The following AUTS2 variants were observed in gnomAD, a reference collection of about 807,000 sequenced individuals.
AUTS2 encodes autism susceptibility gene 2 protein.
AUTS2 carries 17 observed loss-of-function variants against 112.4 expected under a neutral mutation model. The observed-to-expected ratio is 0.15, with a 90% CI of 0.10 to 0.23. AUTS2 has a LOEUF of 0.23. AUTS2 is among the 10% of genes least tolerant of loss of function. The probability of loss-of-function intolerance (pLI) is 1.00; values close to 1 mark genes in which losing one functional copy is unlikely to be tolerated. For synonymous variants in AUTS2, 751 were observed against 702.7 expected (o/e 1.07, Z -1.09); for missense variants, 1,510 against 1,701.6 (o/e 0.89, Z 1.98).
intron 4 of AUTS2, among the ~76,000 whole-genome samples, chr7:70,355,118 G>C (rs781674395): frequency 2.0e-5 from 3 of 151,754 alleles, no homozygotes; most frequent in Non-Finnish European, 4.4e-5. Flanking sequence ...GTGTGTGTGT[G>C]TGTGTGTATA....
At chr7:70,034,918 A>G (rs577042457) in intron 2 of AUTS2, among the ~76,000 whole-genome samples, 1 of 152,202 alleles carries the variant, frequency 6.6e-6, no homozygotes, top group Admixed American at 6.5e-5. Flanking sequence ...TACAGCCTGG[A>G]ATTTTTGGGC....
intron 5 of AUTS2, among the ~76,000 whole-genome samples, chr7:70,617,378 T>A (rs1804427559): frequency 6.6e-6 from 1 of 152,150 alleles, no homozygotes; most frequent in Admixed American, 6.5e-5. Context: ...ATAAGAAGTT[T>A]GTGGCCGGGC....
At chr7:70,771,682 C>A in intron 11 of AUTS2, 38 bp downstream of exon 11, 1 of 1,574,530 alleles carries the variant, frequency 6.4e-7, no homozygotes, top group Non-Finnish European at 8.7e-7. Flanking sequence ...AGGCATGTGT[C>A]TAAGTGGCGT....
intron 6 of AUTS2, among the ~76,000 whole-genome samples, chr7:70,737,465 G>T (rs1309086496): frequency 5.3e-5 from 8 of 152,228 alleles, no homozygotes; most frequent in Non-Finnish European, 1.5e-5. Flanking sequence ...TCTGTTATTT[G>T]TAGTGCAAGA....
At chr7:70,654,976 A>C (rs1047208102) in intron 5 of AUTS2, among the ~76,000 whole-genome samples, 3 of 152,238 alleles carry the variant, frequency 2.0e-5, no homozygotes, top group Non-Finnish European at 4.4e-5. Context: ...CTTTTAAAAC[A>C]AGGCCCCAAG....
chr7:69,793,623 C>T (rs1045859638), intron 1 of AUTS2, among the ~76,000 whole-genome samples: 2 of 152,174 alleles, frequency 1.3e-5, no homozygotes, highest in African/African-American at 4.8e-5. Flanking sequence ...CAGAGGCTCT[C>T]ACCTTGGCTG....
chr7:70,573,301 C>A (rs1031751361), intron 5 of AUTS2, among the ~76,000 whole-genome samples: 1 of 152,212 alleles, frequency 6.6e-6, no homozygotes, highest in East Asian at 1.9e-4. Context: ...CTGGGAACGT[C>A]AATGCTGCCA....
chr7:70,506,446 A>G lies in AUTS2; in HGVS notation c.690+70665A>G, dbSNP rs1280608389. Among the ~76,000 whole-genome samples the G allele has an allele frequency of 3.3e-5, 5 of 152,246 alleles. 1 individual carries two copies. Among genetic ancestry groups the G allele is most frequent in the South Asian group, 4.1e-4 (2 of 4,834 alleles). On this transcript the variant is annotated intron_variant, in intron 5 of 18. Transcript: ENST00000342771. ...CCTCATAGTTTAGCTTTTATCATCA[A>G]TAATTCTAAATCTGCAAGTGAATAT...
chr7:70,777,007 C>T (rs1790746611), intron 13 of AUTS2, 96 bp from the exon 14 acceptor site: 4 of 1,209,672 alleles, frequency 3.3e-6, no homozygotes, highest in Admixed American at 1.8e-5. Context: ...CGAAAAAAGC[C>T]TCTGCAGCCA....
intron 11 of AUTS2, among the ~76,000 whole-genome samples, chr7:70,773,251 G>A (rs1048395942): frequency 6.6e-6 from 1 of 152,184 alleles, no homozygotes; most frequent in Non-Finnish European, 1.5e-5. Context: ...CTGGTGTGGG[G>A]GGTGTTCATA....
intron 4 of AUTS2, among the ~76,000 whole-genome samples, chr7:70,369,060 A>G (rs557477254): frequency 6.6e-6 from 1 of 152,348 alleles, no homozygotes; most frequent in South Asian, 2.1e-4. Context: ...GAAGCTGCCC[A>G]TCAATAATTT....
chr7:69,811,741 C>T (rs1790553642), intron 1 of AUTS2, among the ~76,000 whole-genome samples: 1 of 152,212 alleles, frequency 6.6e-6, no homozygotes, highest in Admixed American at 6.5e-5. Flanking sequence ...AGCCATCGTT[C>T]ATTCCCTGTT....
rs138286747 is a variant in AUTS2 at position 70,105,179 on chromosome 7, G to C, written c.523-12953G>C. 6.2e-3 allele frequency among the ~76,000 whole-genome samples: 943 copies of C among 152,182 alleles called. 12 individuals carry two copies. The highest frequency in any genetic ancestry group is 0.022 in the African/African-American group (895 of 41,528). ...AGTCTTTCTCAGCTTTAGTTTATTT[G>C]TCTGTAAATTGGGAAGTACAATTTA... On this transcript the variant is annotated intron_variant, in intron 2 of 18. Coordinates refer to ENST00000342771, the MANE Select transcript of AUTS2 (RefSeq NM_015570.4).
chr7:70,297,282 T>C (rs1222519215), intron 4 of AUTS2, among the ~76,000 whole-genome samples: 1 of 152,068 alleles, frequency 6.6e-6, no homozygotes, highest in East Asian at 1.9e-4. Context: ...AGTCACAGAA[T>C]TTCTTTCCAA....
Position 70,118,990 on chromosome 7 carries a change from ATT to A in AUTS2, c.624+774_624+775del, listed in dbSNP as rs397889485. The A allele has an allele frequency of 3.6e-3, 427 of 119,010 alleles. 1 individual carries two copies. Among genetic ancestry groups the A allele is most frequent in the East Asian group, 0.019 (80 of 4,316 alleles). 7.4% of individuals were successfully genotyped at this position (119,010 alleles called of 1,614,324 possible). On this transcript the variant is annotated intron_variant, in intron 3 of 18. Transcript: ENST00000342771. ...CTTTACTCATATGTCATATATCAGC[ATT>A]TTTTTTTTTTTTTTTTGAGATGGAG...
chr7:70,584,403 T>G (rs1802590701), intron 5 of AUTS2, among the ~76,000 whole-genome samples: 1 of 152,250 alleles, frequency 6.6e-6, no homozygotes. Flanking sequence ...GCTCTGTCAT[T>G]AGACTGGATT....
chr7:69,762,293 C>CTTTTTTTTTTTTTTTTTTTTTTT (rs534032498), intron 1 of AUTS2, among the ~76,000 whole-genome samples: 1 of 61,586 alleles, frequency 1.6e-5, no homozygotes, highest in Non-Finnish European at 2.9e-5. Context: ...GCCAAGTTGT[C>CTTTTTTTTTTTTTTTTTTTTTTT]TTTTTTTTTT....
intron 4 of AUTS2, among the ~76,000 whole-genome samples, chr7:70,193,922 A>G (rs538270770): frequency 6.6e-6 from 1 of 152,190 alleles, no homozygotes; most frequent in African/African-American, 2.4e-5. Flanking sequence ...TCAATGAATA[A>G]TGAATTTAGC....
At chr7:70,741,336 G>GAA (rs76240654) in intron 6 of AUTS2, among the ~76,000 whole-genome samples, 2 of 137,172 alleles carry the variant, frequency 1.5e-5, no homozygotes, top group Non-Finnish European at 1.6e-5. Context: ...ATCACTGACA[G>GAA]AAAAAAAAAA....
Sources: gnomAD v4.1 joint callset for allele counts (sites outside exome capture counted in the v4.1 genomes callset) on GRCh38, gnomAD v4.1.1 for gene constraint, MANE v1.5 for transcripts, NCBI Gene and HGNC (gene_info 2026-07-23, HGNC 2026-07-21) for gene names.